Variants in COL25A1 observed in about 807,000 individuals in gnomAD.
COL25A1 encodes collagen alpha-1(XXV) chain.
Under a neutral mutation model 128.4 loss-of-function variants are expected in COL25A1, and 103 were observed. The observed-to-expected ratio is 0.80, with a 90% confidence interval of 0.68 to 0.94. The LOEUF (loss-of-function observed/expected upper bound fraction) is 0.94, where lower values mean the gene tolerates loss of function less well. Ranked by LOEUF, COL25A1 falls within the 40% of genes least tolerant of loss-of-function variation. COL25A1 has a pLI of 0.00. For synonymous variants in COL25A1, 279 were observed against 277.2 expected, an observed-to-expected ratio of 1.01 and a Z score of -0.06; for missense variants, 745 against 840.0, an observed-to-expected ratio of 0.89 and a Z score of 1.40.
intron 3 of COL25A1, among the ~76,000 whole-genome samples, chr4:109,142,063 T>G (rs1441049115): frequency 6.6e-6 from 1 of 152,244 alleles, no homozygotes; most frequent in Admixed American, 6.5e-5. Context: ...TGTGGGCATT[T>G]AGTGCTATCA....
At chr4:109,236,487 C>T (rs1233511385) in intron 3 of COL25A1, among the ~76,000 whole-genome samples, 2 of 152,106 alleles carry the variant, frequency 1.3e-5, no homozygotes, top group African/African-American at 4.8e-5. Flanking sequence ...TAAAAGCTCT[C>T]ATAAAACTTA....
chr4:108,831,945 A>G (rs1733174564), intron 32 of COL25A1, among the ~76,000 whole-genome samples: 1 of 152,214 alleles, frequency 6.6e-6, no homozygotes. Flanking sequence ...CTGTGCAGAA[A>G]AGAATACTTA....
At chr4:109,097,944 G>T (rs1316784444) in intron 3 of COL25A1, among the ~76,000 whole-genome samples, 1 of 151,946 alleles carries the variant, frequency 6.6e-6, no homozygotes, top group Non-Finnish European at 1.5e-5. Flanking sequence ...TTACAGACGT[G>T]AGCCACCGGC....
At chr4:108,916,882 A>G (rs1295005870) in intron 13 of COL25A1, among the ~76,000 whole-genome samples, 3 of 152,190 alleles carry the variant, frequency 2.0e-5, no homozygotes, top group South Asian at 4.1e-4. Context: ...AAAGGACACC[A>G]TAAGCTTTGG....
chr4:108,926,671 T>C (rs1184051802), intron 11 of COL25A1, among the ~76,000 whole-genome samples: 1 of 151,980 alleles, frequency 6.6e-6, no homozygotes, highest in African/African-American at 2.4e-5. Context: ...GATCACAAAA[T>C]ACATAAACTT....
chr4:109,113,908 C>A (rs140079984), intron 3 of COL25A1, among the ~76,000 whole-genome samples: 3 of 152,006 alleles, frequency 2.0e-5, no homozygotes, highest in African/African-American at 7.2e-5. Context: ...TGTCCAGTTC[C>A]TCAATTATAT....
intron 35 of COL25A1, among the ~76,000 whole-genome samples, 164 bp from the exon 36 acceptor site, chr4:108,819,493 T>C (rs761108752): frequency 2.1e-4 from 32 of 152,136 alleles, no homozygotes; most frequent in Non-Finnish European, 3.8e-4. Context: ...GGGAGACATA[T>C]TCCTACAACA....
intron 11 of COL25A1, among the ~76,000 whole-genome samples, chr4:108,932,342 C>A (rs1207686091): frequency 6.6e-6 from 1 of 152,114 alleles, no homozygotes; most frequent in East Asian, 1.9e-4. Flanking sequence ...ATTCACTTCA[C>A]CCAAATGTAT....
At chr4:109,157,524 C>A (rs1772151838) in intron 3 of COL25A1, among the ~76,000 whole-genome samples, 1 of 152,032 alleles carries the variant, frequency 6.6e-6, no homozygotes, top group Non-Finnish European at 1.5e-5. Context: ...ACCTCGAAGA[C>A]AATATGTTCA....
At chr4:108,886,999 G>A (rs1340133257) in intron 18 of COL25A1, among the ~76,000 whole-genome samples, 1 of 152,080 alleles carries the variant, frequency 6.6e-6, no homozygotes, top group Non-Finnish European at 1.5e-5. Flanking sequence ...GGAAAGTTAG[G>A]AAGGAAAGAA....
intron 5 of COL25A1, among the ~76,000 whole-genome samples, chr4:109,038,774 C>T (rs1300666791): frequency 6.6e-6 from 1 of 152,176 alleles, no homozygotes. Flanking sequence ...TAAGAGGCTT[C>T]TTTTCTTGAG....
At position 109,301,962 on chromosome 4, in the gene COL25A1, G is replaced by A; in HGVS notation, c.58C>T (p.Pro20Ser). Residue 20 changes from proline to serine, a missense_variant, in exon 2 of 38, where the codon CCG (proline) becomes TCG (serine). Physicochemically the swap from Pro to Ser is moderately conservative, Grantham distance 74. Transcript: ENST00000399132. ...GCACAATGCTGTTCGGCAGGGGTCG[G>A]GTCCTCGGATCTGGGCTCCCGGCCC... is the stretch of plus-strand genomic sequence containing the variant. ...GGGREPRSED[P>S]TPAEQHCART... 1 of 1,611,820 alleles carries A rather than the reference G, an allele frequency of 6.2e-7. No homozygotes were observed. The highest frequency in any genetic ancestry group is 8.5e-7 in the Non-Finnish European group (1 of 1,179,312).
chr4:108,947,949 A>C (rs974610134), intron 8 of COL25A1, among the ~76,000 whole-genome samples: 1 of 152,174 alleles, frequency 6.6e-6, no homozygotes, highest in Non-Finnish European at 1.5e-5. Flanking sequence ...TGAAATCTCC[A>C]AGTCTCTCTT....
chr4:109,195,198 G>A (rs1184504792), intron 3 of COL25A1, among the ~76,000 whole-genome samples: 1 of 152,046 alleles, frequency 6.6e-6, no homozygotes, highest in Admixed American at 6.6e-5. Flanking sequence ...CCACAGCCAG[G>A]CCTAGCCCAC....
intron 3 of COL25A1, among the ~76,000 whole-genome samples, chr4:109,249,282 A>C (rs1376230019): frequency 6.6e-6 from 1 of 152,196 alleles, no homozygotes; most frequent in African/African-American, 2.4e-5. Context: ...CTCCTAATAG[A>C]CTATAAGTAA....
intron 4 of COL25A1, among the ~76,000 whole-genome samples, chr4:109,048,482 G>C (rs116493778): frequency 5.9e-5 from 9 of 152,116 alleles, no homozygotes; most frequent in African/African-American, 1.7e-4. Context: ...TAAAAGTTTA[G>C]AGAAGTATGA....
At position 109,302,192 on chromosome 4, in the gene COL25A1, C is replaced by A. The variant is rs938919761; in HGVS notation, c.-80G>T. 3 of 804,294 alleles carry A rather than the reference C, an allele frequency of 3.7e-6. No individual in the cohort carries two copies. Among genetic ancestry groups the A allele is most frequent in the Non-Finnish European group, 1.9e-6 (1 of 530,128 alleles). 49.8% of individuals were successfully genotyped at this position (804,294 alleles called of 1,614,324 possible). On this transcript the variant is annotated 5_prime_UTR_variant, in exon 1 of 38. Coordinates refer to ENST00000399132, the MANE Select transcript of COL25A1 (RefSeq NM_198721.4). ...ACCCCTGCCTTGCTCAGCGTCCAGACCCGCAGGCGTGCACCATCCCCGCTT... is the reference window on the plus strand; with the variant it reads ...ACCCCTGCCTTGCTCAGCGTCCAGAACCGCAGGCGTGCACCATCCCCGCTT...
chr4:109,131,075 A>G (rs1275273300), intron 3 of COL25A1, among the ~76,000 whole-genome samples: 5 of 152,224 alleles, frequency 3.3e-5, no homozygotes, highest in African/African-American at 4.8e-5. Context: ...TAATTTCACA[A>G]TAAGATATGG....
intron 3 of COL25A1, among the ~76,000 whole-genome samples, chr4:109,182,135 T>C (rs1285053384): frequency 6.6e-6 from 1 of 152,164 alleles, no homozygotes; most frequent in Non-Finnish European, 1.5e-5. Flanking sequence ...ATTTTGGCTA[T>C]TGCAAGTAAT....
Sources: allele counts gnomAD v4.1 joint callset (sites outside exome capture counted in the v4.1 genomes callset), GRCh38; gene constraint gnomAD v4.1.1; transcripts MANE v1.5; gene names NCBI Gene and HGNC (gene_info 2026-07-23, HGNC 2026-07-21).